COL5A2: variants seen among roughly 807,000 people sequenced by gnomAD.
COL5A2 encodes collagen alpha-2(V) chain.
COL5A2 carries 23 observed loss-of-function variants against 208.2 expected under a neutral mutation model. The ratio of observed to expected loss-of-function variants is 0.11; its 90% CI spans 0.08 to 0.16. COL5A2 has a LOEUF of 0.16. Ranked by LOEUF, COL5A2 falls within the 10% of genes least tolerant of loss-of-function variation. COL5A2 has a pLI of 1.00. For missense variants in COL5A2, 1,590 were observed against 1,956.4 expected (o/e 0.81, Z 3.53); for synonymous variants, 625 against 628.5 (o/e 0.99, Z 0.08).
chr2:189,390,879 T>A, the COL5A2 span, among the ~76,000 whole-genome samples: 5 of 152,340 alleles, frequency 3.3e-5, no homozygotes, highest in Non-Finnish European at 7.3e-5. Flanking sequence ...AAGGCATCCA[T>A]AATTTATTTC....
the COL5A2 span, among the ~76,000 whole-genome samples, chr2:189,298,429 T>C: frequency 6.2e-4 from 95 of 152,286 alleles, no homozygotes; most frequent in South Asian, 0.014. Context: ...CTCCCTCCCA[T>C]GGCTATACAT....
the COL5A2 span, among the ~76,000 whole-genome samples, chr2:189,425,924 T>C: frequency 2.0e-5 from 3 of 152,224 alleles, no homozygotes; most frequent in Admixed American, 2.0e-4. Context: ...GCCAGAATTA[T>C]GCTTCCTGTA....
intron 1 of COL5A2, among the ~76,000 whole-genome samples, chr2:189,131,705 C>G (rs1255506863): frequency 6.6e-6 from 1 of 151,942 alleles, no homozygotes; most frequent in Non-Finnish European, 1.5e-5. Context: ...TTGATGGTAC[C>G]CTAATGAAAT....
At chr2:189,073,540 T>G (rs1392170835) in intron 17 of COL5A2, among the ~76,000 whole-genome samples, 1 of 152,150 alleles carries the variant, frequency 6.6e-6, no homozygotes, top group Non-Finnish European at 1.5e-5. Context: ...GACATCAATA[T>G]TTTTAAGTTT....
chr2:189,425,611 C>G, the COL5A2 span, among the ~76,000 whole-genome samples: 2 of 152,068 alleles, frequency 1.3e-5, no homozygotes, highest in African/African-American at 4.8e-5. Context: ...AGACAAATAC[C>G]ACATGATACA....
At chr2:189,355,448 A>G in the COL5A2 span, among the ~76,000 whole-genome samples, 1 of 152,144 alleles carries the variant, frequency 6.6e-6, no homozygotes. Flanking sequence ...AACTTGCTTT[A>G]TGAGTCTGGG....
chr2:189,174,217 C>T (rs917393891), intron 1 of COL5A2, among the ~76,000 whole-genome samples: 8 of 152,184 alleles, frequency 5.3e-5, no homozygotes, highest in African/African-American at 1.9e-4. Context: ...CAATGAATTT[C>T]AGGCCTGTAG....
chr2:189,050,456 T>C, intron 43 of COL5A2, 113 bp downstream of exon 43: 1 of 834,908 alleles, frequency 1.2e-6, no homozygotes, highest in East Asian at 2.7e-5. Context: ...CAAAAATTAA[T>C]GTCCCTACAA....
chr2:189,111,615 T>C (rs947725765), intron 1 of COL5A2, among the ~76,000 whole-genome samples: 6 of 152,174 alleles, frequency 3.9e-5, no homozygotes, highest in Admixed American at 1.3e-4. Context: ...ACTGATATTT[T>C]TCAGAGACCT....
chr2:189,210,759 G>C (rs1689202447), intron 1 of COL5A2, among the ~76,000 whole-genome samples: 1 of 152,072 alleles, frequency 6.6e-6, no homozygotes. Context: ...AACTCATTTT[G>C]TCCAGATTAG....
rs551066721 is a variant in COL5A2 at position 189,197,037 on chromosome 2, A to T, written c.-42+28111T>A. On this transcript the variant is annotated intron_variant, in intron 1 of 10. Coordinates refer to the COL5A2 transcript ENST00000649966. Reference sequence around the variant, plus strand: ...CAGCACTATTTACAATAGCAAAGACATGGAACCAACGCAAATGCCCATCAC... The same window carrying T: ...CAGCACTATTTACAATAGCAAAGACTTGGAACCAACGCAAATGCCCATCAC... Among the ~76,000 whole-genome samples, 3 of 152,342 alleles carry T rather than the reference A, an allele frequency of 2.0e-5. No homozygotes were observed. In the South Asian group the frequency reaches 6.2e-4, roughly 32 times the overall value.
chr2:189,249,878 A>G, the COL5A2 span, among the ~76,000 whole-genome samples: 5 of 152,124 alleles, frequency 3.3e-5, no homozygotes, highest in African/African-American at 7.2e-5. Context: ...TTGTATTTTT[A>G]GTAGAGATGG....
chr2:189,156,375 T>C (rs1438556843), intron 1 of COL5A2, among the ~76,000 whole-genome samples: 2 of 152,176 alleles, frequency 1.3e-5, no homozygotes, highest in Non-Finnish European at 2.9e-5. Flanking sequence ...CAAGTTTTGA[T>C]ATATACTGAC....
intron 6 of COL5A2, among the ~76,000 whole-genome samples, chr2:189,095,291 T>A (rs1248393951): frequency 6.6e-6 from 1 of 152,152 alleles, no homozygotes; most frequent in African/African-American, 2.4e-5. Flanking sequence ...TTCATATACA[T>A]CATTTCATGC....
At chr2:189,404,425 A>T in the COL5A2 span, among the ~76,000 whole-genome samples, 3 of 152,120 alleles carry the variant, frequency 2.0e-5, no homozygotes, top group Admixed American at 2.0e-4. Context: ...TGGATCCAGG[A>T]CTTACATCAG....
chr2:189,092,528 A>C, intron 6 of COL5A2, 108 bp from the exon 7 acceptor site: 1 of 748,556 alleles, frequency 1.3e-6, no homozygotes, highest in South Asian at 1.5e-5. Context: ...TATTTTAAAA[A>C]TACATGGCAA....
rs546272964 is a variant in COL5A2 at position 189,166,127 on chromosome 2, AT to A, written c.97+13380del. 5.2e-4 allele frequency among the ~76,000 whole-genome samples: 79 copies of A among 152,208 alleles called. No individual in the cohort carries two copies. In the Middle Eastern group the frequency reaches 0.01, roughly 20 times the overall value. On this transcript the variant is annotated intron_variant, in intron 1 of 53. Coordinates refer to ENST00000374866, the MANE Select transcript of COL5A2 (RefSeq NM_000393.5). ...ATACTAAATTAGCATGGAGCCTTAC[AT>A]TTTAGGCATTTCAATGATGCTATGT...
chr2:189,085,926 G>A (rs912558083), intron 9 of COL5A2, among the ~76,000 whole-genome samples, 154 bp from the exon 10 acceptor site: 1 of 152,198 alleles, frequency 6.6e-6, no homozygotes, highest in Non-Finnish European at 1.5e-5. Context: ...GTCTGTAACT[G>A]TTTCCTAATG....
Position 189,126,115 on chromosome 2 carries a change from A to G in COL5A2, c.98-15666T>C, listed in dbSNP as rs192689368. Among the ~76,000 whole-genome samples, 416 of 152,236 alleles carry G rather than the reference A, an allele frequency of 2.7e-3. 2 individuals are homozygous for G. Among genetic ancestry groups the G allele is most frequent in the African/African-American group, 9.3e-3 (388 of 41,580 alleles). The stretch of plus-strand genomic sequence containing the variant: ...GAAATTTAAAAATTGATTTTTACAC[A>G]GGAACTATGTTATACTTAAATTTAT... On this transcript the variant is annotated intron_variant, in intron 1 of 53. Coordinates refer to ENST00000374866, the MANE Select transcript of COL5A2 (RefSeq NM_000393.5).
Sources: allele counts gnomAD v4.1 joint callset (sites outside exome capture counted in the v4.1 genomes callset), GRCh38; gene constraint gnomAD v4.1.1; transcripts MANE v1.5; gene names NCBI Gene and HGNC (gene_info 2026-07-23, HGNC 2026-07-21).